The following OXTR variants were observed in gnomAD, a reference collection of about 807,000 sequenced individuals.
OXTR encodes oxytocin receptor.
A neutral mutation model predicts 23.9 loss-of-function variants in OXTR; 19 were observed. That is an observed-to-expected ratio of 0.80 (90% CI 0.56 to 1.17). The LOEUF (loss-of-function observed/expected upper bound fraction) is 1.17. OXTR is among the 50% of genes most tolerant of loss of function. The pLI, the probability that OXTR is intolerant of heterozygous loss-of-function variation, is 0.00. For missense variants in OXTR, 500 were observed against 550.7 expected, an observed-to-expected ratio of 0.91 and a Z score of 0.92; for synonymous variants, 278 against 250.5, an observed-to-expected ratio of 1.11 and a Z score of -1.04.
chr3:8,761,498 G>A (rs754868271), intron 3 of OXTR, among the ~76,000 whole-genome samples: 33 of 107,584 alleles, frequency 3.1e-4, no homozygotes, highest in Non-Finnish European at 5.6e-4. Context: ...CTGCTGGCCT[G>A]GGGCGGCAGG....
chr3:8,744,445 A>ATTTTTTTTTTTTTTTTT, the OXTR span, among the ~76,000 whole-genome samples: 5 of 111,408 alleles, frequency 4.5e-5, 1 homozygote, highest in Non-Finnish European at 6.9e-5. Context: ...TACCCGGCTA[A>ATTTTTTTTTTTTTTTTT]TTTTTTTTTT....
chr3:8,768,850 T>C lies in OXTR; in HGVS notation c.-238-259A>G, dbSNP rs1236293997. Reference sequence around the variant, plus strand: ...TCCTTCCCCGTCTAACCCCCTTTTCTAAGACGGTCGGCCGTCACTCCCTGA... The same window carrying C: ...TCCTTCCCCGTCTAACCCCCTTTTCCAAGACGGTCGGCCGTCACTCCCTGA... On this transcript the variant is annotated intron_variant, in intron 1 of 3. Transcript: ENST00000316793. The surrounding 1 kb of genome is among the most constrained non-coding windows in gnomAD (Gnocchi z 5.4). 6.6e-6 allele frequency among the ~76,000 whole-genome samples: 1 copy of C among 152,136 alleles called. No individual in the cohort carries two copies. The highest frequency in any genetic ancestry group is 2.4e-5 in the African/African-American group (1 of 41,424).
At chr3:8,749,196 G>A (rs1006872278), downstream of OXTR, among the ~76,000 whole-genome samples, 8 of 152,118 alleles carry the variant, frequency 5.3e-5, no homozygotes, top group African/African-American at 1.9e-4. Flanking sequence ...GAGATGGGTG[G>A]GGGTCGGGGT....
downstream of OXTR, chr3:8,746,465 G>A (rs190490095): frequency 6.6e-6 from 1 of 152,572 alleles, no homozygotes; most frequent in Admixed American, 6.5e-5. Context: ...AACCGTACAC[G>A]TTCCTTGGAA....
At position 8,767,495 on chromosome 3, in the gene OXTR, C is replaced by T. The variant is rs755469490; in HGVS notation, c.693G>A (p.Leu231=). The change falls in exon 3 of 4, where the codon TTG becomes TTA. Residue 231 remains leucine, a synonymous_variant. Transcript: ENST00000316793. ...CCGCCGCTGCAGCGGTCTTGAGCCG[C>T]AAGTTCTGCCAGATCTTGAAGCTGA... ...GLISFKIWQN[L]RLKTAAAAAA... The T allele has an allele frequency of 6.2e-7, 1 of 1,610,942 alleles. No individual in the cohort carries two copies. The highest frequency in any genetic ancestry group is 1.1e-5 in the South Asian group (1 of 90,832).
chr3:8,758,302 C>T (rs376143475), intron 3 of OXTR, among the ~76,000 whole-genome samples: 41 of 152,312 alleles, frequency 2.7e-4, no homozygotes, highest in African/African-American at 9.9e-4. Context: ...AGCTGACGGG[C>T]AGCTGGCCAC....
At chr3:8,760,159 ACCTAAGT>A (rs1262593396) in intron 3 of OXTR, among the ~76,000 whole-genome samples, 2 of 152,148 alleles carry the variant, frequency 1.3e-5, no homozygotes, top group African/African-American at 4.8e-5. Context: ...CCTGTATACA[ACCTAAGT>A]CCTATTCTGA....
rs776881012 is a variant in OXTR, at chr3:8,752,984, G to A, written c.1163C>T (p.Thr388Met). 53 of 1,610,754 alleles carry A rather than the reference G, an allele frequency of 3.3e-5. No homozygotes were observed. The highest frequency in any genetic ancestry group is 1.6e-4 in the East Asian group (7 of 44,828). ...SSQRSCSQPS[T>M]A ...CTGGCCCTGGCTGGTGGGTCACGCC[G>A]TGGATGGCTGGGAGCAGCTCCTCTG... Residue 388 changes from threonine to methionine, a missense_variant, in exon 4 of 4, where the codon ACG (threonine) becomes ATG (methionine). Coordinates refer to ENST00000316793, the MANE Select transcript of OXTR (RefSeq NM_000916.4).
chr3:8,750,158 T>G (rs59746083), downstream of OXTR, among the ~76,000 whole-genome samples: 26,604 of 152,176 alleles, frequency 0.17, 3,200 homozygotes, highest in African/African-American at 0.34. Flanking sequence ...GAATTTCTAT[T>G]TTAAATAAAA....
intron 3 of OXTR, among the ~76,000 whole-genome samples, chr3:8,755,795 C>T (rs978983332): frequency 6.6e-6 from 1 of 152,194 alleles, no homozygotes; most frequent in Non-Finnish European, 1.5e-5. Context: ...AGGAACAGCA[C>T]TTCAAAGCTC....
Position 8,767,566 on chromosome 3 carries a change from C to T in OXTR, c.622G>A (p.Val208Ile), listed in dbSNP as rs758167206. 16 of 1,613,328 alleles carry T rather than the reference C, an allele frequency of 9.9e-6. No homozygotes were observed. Among genetic ancestry groups the T allele is most frequent in the Non-Finnish European group, 1.3e-5 (15 of 1,179,790 alleles). ...AGCACGATGACCGGCACGATGTAGA[C>T]AGCTAGCGTGATCCATGTGATGTAG... The part of the protein sequence containing the change: ...KAYITWITLA[V>I]YIVPVIVLAA... The change falls in exon 3 of 4, where the codon GTC becomes ATC. Residue 208 changes from valine (V) to isoleucine (I), a missense_variant. Coordinates refer to ENST00000316793, the MANE Select transcript of OXTR (RefSeq NM_000916.4).
chr3:8,744,960 A>G, the OXTR span: 3 of 155,276 alleles, frequency 1.9e-5, no homozygotes, highest in African/African-American at 7.2e-5. Flanking sequence ...GCCCCACTCC[A>G]GACTTGGGGA....
At chr3:8,742,603 C>A in the OXTR span, 1 of 449,748 alleles carries the variant, frequency 2.2e-6, no homozygotes, top group South Asian at 1.6e-5. Context: ...TTCAGAGCAC[C>A]TGAAGGAATA....
At chr3:8,758,680 C>T (rs1708426981) in intron 3 of OXTR, among the ~76,000 whole-genome samples, 1 of 152,120 alleles carries the variant, frequency 6.6e-6, no homozygotes, top group East Asian at 1.9e-4. Context: ...GTGATCACCC[C>T]GTGTAGTGCA....
chr3:8,762,202 C>A (rs1359677043), intron 3 of OXTR, among the ~76,000 whole-genome samples: 2 of 152,184 alleles, frequency 1.3e-5, no homozygotes, highest in Non-Finnish European at 2.9e-5. Context: ...CACAACCCCT[C>A]TTCCCCTCCT....
intron 3 of OXTR, 47 bp from the exon 4 acceptor site, chr3:8,753,271 A>G: frequency 6.3e-7 from 1 of 1,596,954 alleles, no homozygotes; most frequent in East Asian, 2.3e-5. Context: ...ATTAATTAAC[A>G]CTGGAGCCAC....
At chr3:8,763,414 G>A (rs1242930230) in intron 3 of OXTR, among the ~76,000 whole-genome samples, 2 of 152,190 alleles carry the variant, frequency 1.3e-5, no homozygotes, top group Non-Finnish European at 2.9e-5. Context: ...GCTGGAAGGA[G>A]AAGACTAGAG....
At chr3:8,741,325 T>A in the OXTR span, among the ~76,000 whole-genome samples, 3 of 152,220 alleles carry the variant, frequency 2.0e-5, no homozygotes, top group African/African-American at 7.2e-5. Flanking sequence ...AATTACTGCA[T>A]CAAATTTCTA....
the OXTR span, among the ~76,000 whole-genome samples, chr3:8,743,956 C>T: frequency 6.6e-6 from 1 of 151,954 alleles, no homozygotes; most frequent in South Asian, 2.1e-4. Context: ...ATTGGTGATG[C>T]AATAGAGGAG....
Sources: allele counts gnomAD v4.1 joint callset (sites outside exome capture counted in the v4.1 genomes callset), GRCh38; gene constraint gnomAD v4.1.1; non-coding constraint Gnocchi (gnomAD v3.1); transcripts MANE v1.5; gene names NCBI Gene and HGNC (gene_info 2026-07-23, HGNC 2026-07-21).